Variants in KIF20B observed in about 807,000 individuals in gnomAD.
KIF20B encodes kinesin family member 20B.
KIF20B carries 188 observed loss-of-function variants against 232.5 expected under a neutral mutation model. The ratio of observed to expected loss-of-function variants is 0.81; its 90% CI spans 0.72 to 0.91. The LOEUF (loss-of-function observed/expected upper bound fraction) is 0.91, where lower values mean the gene tolerates loss of function less well. KIF20B is among the 40% of genes least tolerant of loss of function. The pLI, the probability that KIF20B is intolerant of heterozygous loss-of-function variation, is 0.00. For missense variants in KIF20B, 2,154 were observed against 2,055.9 expected, an observed-to-expected ratio of 1.05 and a Z score of -0.92; for synonymous variants, 712 against 683.0, an observed-to-expected ratio of 1.04 and a Z score of -0.66.
At position 89,711,289 on chromosome 10, in the gene KIF20B, A is replaced by G. The variant is rs528402280; in HGVS notation, c.675+144A>G. The G allele has an allele frequency of 2.3e-5, 11 of 479,532 alleles. No individual in the cohort carries two copies. The East Asian group carries it at 3.6e-4, about 16-fold the overall frequency. The allele number at this position is 479,532 out of a possible 1,614,324, so 29.7% of individuals were successfully genotyped here. ...TATGTTTTCGAGAAAAATAAAGCTT[A>G]AAGTGTGAAGACATCTTTTGTATTT... On this transcript the variant is annotated intron_variant, in intron 6 of 32. Coordinates refer to ENST00000371728, the MANE Select transcript of KIF20B (RefSeq NM_001284259.2).
chr10:89,753,644 C>T (rs969959452), intron 25 of KIF20B, among the ~76,000 whole-genome samples: 2 of 152,012 alleles, frequency 1.3e-5, no homozygotes, highest in Non-Finnish European at 2.9e-5. Context: ...TTTTTTGAGA[C>T]GGAATCTTGC....
rs529777642 is a variant in KIF20B at position 89,753,550 on chromosome 10, C to T, written c.4347+859C>T. ...GCATTGTTCTAAGATGATGTAATCA[C>T]ATTAGTGTAGATTATAAACTTTGTA... On this transcript the variant is annotated intron_variant, in intron 25 of 32. Transcript: ENST00000371728. 2.2e-4 allele frequency among the ~76,000 whole-genome samples: 34 copies of T among 152,256 alleles called. 2 individuals carry two copies. The South Asian group carries it at 6.6e-3, about 30-fold the overall frequency.
chr10:89,722,150 G>A (rs11185860), intron 13 of KIF20B, among the ~76,000 whole-genome samples: 2,561 of 152,242 alleles, frequency 0.017, 89 homozygotes, highest in African/African-American at 0.058. Context: ...TTGGGCTCAG[G>A]CAATCCTCCT....
chr10:89,773,683 C>T (rs940962613), intron 32 of KIF20B, among the ~76,000 whole-genome samples: 23 of 152,054 alleles, frequency 1.5e-4, no homozygotes, highest in Admixed American at 3.9e-4. Flanking sequence ...ATTTGAGGCA[C>T]TTGTCTCCAA....
chr10:89,758,801 A>T lies in KIF20B; in HGVS notation c.4599A>T (p.Leu1533=). The change falls in exon 27 of 33, where the codon CTA becomes CTT. Residue 1533 remains leucine, a synonymous_variant. Coordinates refer to ENST00000371728, the MANE Select transcript of KIF20B (RefSeq NM_001284259.2). The stretch of plus-strand genomic sequence containing the variant: ...TGGTTGCAGCTTTAGAAATACAGCT[A>T]AAAGCACTGATATCCAGTAATGTAC... ...DQLVAALEIQ[L]KALISSNVQK... 1 of 1,607,654 alleles carries T rather than the reference A, an allele frequency of 6.2e-7. No individual in the cohort carries two copies. The highest frequency in any genetic ancestry group is 8.5e-7 in the Non-Finnish European group (1 of 1,176,452).
chr10:89,717,394 A>G (rs1175357536), intron 9 of KIF20B, 30 bp from the exon 10 acceptor site: 2 of 1,358,520 alleles, frequency 1.5e-6, no homozygotes, highest in African/African-American at 2.9e-5. Flanking sequence ...ATTAAAAATG[A>G]TAAGATAACA....
At chr10:89,751,117 C>T (rs565444279) in intron 23 of KIF20B, among the ~76,000 whole-genome samples, 2 of 152,142 alleles carry the variant, frequency 1.3e-5, no homozygotes, top group African/African-American at 4.8e-5. Flanking sequence ...TCCACTCTTG[C>T]AATCATCCAA....
chr10:89,758,724 C>T lies in KIF20B; in HGVS notation c.4522C>T (p.Leu1508=). 6.3e-7 allele frequency: 1 copy of T among 1,590,930 alleles called. No homozygotes were observed. The highest frequency in any genetic ancestry group is 2.3e-5 in the East Asian group (1 of 43,768). Residue 1508 remains leucine (L), a synonymous_variant, in exon 27 of 33, where the codon CTG becomes TTG. Transcript: ENST00000371728. ...QNEMEILTAQ[L]TEKDSDLQKW... is the part of the protein sequence containing the mutation. ...TGATTAGGAAATACTGACAGCCCAGCTGACAGAGAAAGATAGTGACCTTCA... is the reference window on the plus strand; with the variant it reads ...TGATTAGGAAATACTGACAGCCCAGTTGACAGAGAAAGATAGTGACCTTCA...
Position 89,726,471 on chromosome 10 carries a change from C to A in KIF20B, c.2180C>A (p.Thr727Asn), listed in dbSNP as rs759823642. ...FNQIKAELAK[T>N]KGELIKTKEE... ...CAAATTAAAGCTGAATTAGCTAAAA[C>A]CAAAGGAGAATTAATCAAAACCAAA... is the stretch of plus-strand genomic sequence containing the variant. Residue 727 changes from threonine to asparagine, a missense_variant, in exon 16 of 33, where the codon ACC (threonine) becomes AAC (asparagine). Coordinates refer to ENST00000371728, the MANE Select transcript of KIF20B (RefSeq NM_001284259.2). 1.5e-5 allele frequency: 24 copies of A among 1,604,076 alleles called. No homozygotes were observed. Among genetic ancestry groups the A allele is most frequent in the Non-Finnish European group, 2.0e-5 (23 of 1,174,598 alleles).
chr10:89,764,231 A>AT (rs1452506431), intron 29 of KIF20B, among the ~76,000 whole-genome samples: 1 of 151,800 alleles, frequency 6.6e-6, no homozygotes, highest in Non-Finnish European at 1.5e-5. Flanking sequence ...TGAACTCATC[A>AT]TTTTTTATGG....
intron 18 of KIF20B, among the ~76,000 whole-genome samples, chr10:89,731,216 A>G (rs1293528637): frequency 6.6e-6 from 1 of 152,238 alleles, no homozygotes; most frequent in African/African-American, 2.4e-5. Context: ...CTACAACTTC[A>G]AAGAAAATAG....
At chr10:89,734,566 G>A (rs1201345434) in intron 19 of KIF20B, among the ~76,000 whole-genome samples, 1 of 152,114 alleles carries the variant, frequency 6.6e-6, no homozygotes, top group Non-Finnish European at 1.5e-5. Flanking sequence ...CTTCAACTGT[G>A]ATTAGTATAT....
intron 31 of KIF20B, among the ~76,000 whole-genome samples, chr10:89,772,422 G>A (rs12250365): frequency 0.36 from 54,833 of 151,602 alleles, 11,569 homozygotes; most frequent in East Asian, 0.57. Flanking sequence ...GATGCCTGAG[G>A]TTTTTTACTA....
At position 89,743,781 on chromosome 10, in the gene KIF20B, A is replaced by C. The variant is rs777090799; in HGVS notation, c.3916-27A>C. ...GCAGTTAGTATTTTTAAAATATTCC[A>C]TTTGTTTTATAAACATTATTTTGTA... On this transcript the variant is annotated intron_variant, in intron 21 of 32. Transcript: ENST00000371728. 6.7e-6 allele frequency: 9 copies of C among 1,346,002 alleles called. No individual in the cohort carries two copies. In the Admixed American group the frequency reaches 2.3e-4, roughly 35 times the overall value. The allele number at this position is 1,346,002 out of a possible 1,614,324, so 83.4% of individuals were successfully genotyped here.
intron 7 of KIF20B, 50 bp downstream of exon 7, chr10:89,714,133 C>A: frequency 3.9e-6 from 4 of 1,018,256 alleles, no homozygotes; most frequent in South Asian, 2.0e-5. Context: ...ATATGAAGTA[C>A]ACTTGAAAAG....
intron 30 of KIF20B, 126 bp downstream of exon 30, chr10:89,768,517 G>T: frequency 1.4e-6 from 1 of 725,874 alleles, no homozygotes; most frequent in South Asian, 1.9e-5. Context: ...TTAGCATTTG[G>T]CCAGTAGCAT....
chr10:89,750,163 G>A (rs1841994426), intron 23 of KIF20B, among the ~76,000 whole-genome samples: 1 of 151,968 alleles, frequency 6.6e-6, no homozygotes, highest in Admixed American at 6.6e-5. Flanking sequence ...CAAATAATAG[G>A]TGAGTAGCCA....
In KIF20B at chr10:89,754,659, C is replaced by G. The variant is rs1341306872; in HGVS notation, c.4489C>G (p.Gln1497Glu). The G allele has an allele frequency of 6.4e-7, 1 of 1,569,074 alleles. No individual in the cohort carries two copies. The highest frequency in any genetic ancestry group is 8.6e-7 in the Non-Finnish European group (1 of 1,159,854). ...YAEDRERFFK[Q>E]QNEMEILTAQ... ...TGAGGACAGGGAGCGTTTTTTTAAGCAACAGAATGAAATGGTTAGTAACAA... is the reference window on the plus strand; with the variant it reads ...TGAGGACAGGGAGCGTTTTTTTAAGGAACAGAATGAAATGGTTAGTAACAA... The change falls in exon 26 of 33, where the codon CAA becomes GAA. Residue 1497 changes from glutamine to glutamate, a missense_variant. Transcript: ENST00000371728.
At chr10:89,714,674 A>G (rs1259708942) in intron 7 of KIF20B, among the ~76,000 whole-genome samples, 1 of 152,310 alleles carries the variant, frequency 6.6e-6, no homozygotes, top group East Asian at 1.9e-4. Flanking sequence ...CAATTTTAAT[A>G]TTGAATTTGA....
Sources: allele counts gnomAD v4.1 joint callset (sites outside exome capture counted in the v4.1 genomes callset), GRCh38; gene constraint gnomAD v4.1.1; transcripts MANE v1.5; gene names NCBI Gene and HGNC (gene_info 2026-07-23, HGNC 2026-07-21).